Variants in KCNH5 observed in about 807,000 individuals in gnomAD.
KCNH5 encodes voltage-gated delayed rectifier potassium channel KCNH5.
KCNH5 carries 46 observed loss-of-function variants against 96.1 expected under a neutral mutation model. That is an observed-to-expected ratio of 0.48 (90% CI 0.38 to 0.61). The LOEUF (loss-of-function observed/expected upper bound fraction) is 0.61, where lower values mean the gene tolerates loss of function less well. KCNH5 is among the 20% of genes least tolerant of loss of function. The probability of loss-of-function intolerance (pLI) is 0.00; values close to 1 mark genes in which losing one functional copy is unlikely to be tolerated. For synonymous variants in KCNH5, 439 were observed against 449.8 expected, an observed-to-expected ratio of 0.98 and a Z score of 0.30; for missense variants, 907 against 1,225.8, an observed-to-expected ratio of 0.74 and a Z score of 3.88.
At chr14:62,924,945 T>A (rs538558515) in intron 7 of KCNH5, among the ~76,000 whole-genome samples, 2 of 152,082 alleles carry the variant, frequency 1.3e-5, no homozygotes, top group South Asian at 4.1e-4. Flanking sequence ...AGAAAGTAGA[T>A]CTTAAGTATT....
rs1890918365 is a variant in KCNH5 at position 62,997,062 on chromosome 14, A to G, written c.433+4269T>C. Among the ~76,000 whole-genome samples the G allele has an allele frequency of 2.6e-5, 4 of 152,202 alleles. No individual in the cohort carries two copies. In the South Asian group the frequency reaches 8.3e-4, roughly 31 times the overall value. ...TCATTTTTAATTTTTGTGGGTACATAGTAGCTGTATATATTTATAGGTATA... is the reference window on the plus strand; with the variant it reads ...TCATTTTTAATTTTTGTGGGTACATGGTAGCTGTATATATTTATAGGTATA... On this transcript the variant is annotated intron_variant, in intron 4 of 10. Coordinates refer to ENST00000322893, the MANE Select transcript of KCNH5 (RefSeq NM_139318.5).
At chr14:62,977,109 G>T (rs544854172) in intron 6 of KCNH5, among the ~76,000 whole-genome samples, 1 of 152,108 alleles carries the variant, frequency 6.6e-6, no homozygotes, top group African/African-American at 2.4e-5. Flanking sequence ...AGTTGCTCAC[G>T]CCTGTAATCC....
At chr14:62,891,080 A>G (rs1254715560) in intron 7 of KCNH5, among the ~76,000 whole-genome samples, 1 of 152,186 alleles carries the variant, frequency 6.6e-6, no homozygotes, top group Non-Finnish European at 1.5e-5. Context: ...ATTATAAATC[A>G]TTCTACCATA....
chr14:62,716,516 G>T (rs189990861), intron 10 of KCNH5, among the ~76,000 whole-genome samples: 37 of 152,120 alleles, frequency 2.4e-4, no homozygotes, highest in Non-Finnish European at 4.9e-4. Flanking sequence ...CTTTGAGTTC[G>T]AGCATGTATT....
At chr14:62,792,457 A>C (rs1226276837) in intron 9 of KCNH5, among the ~76,000 whole-genome samples, 1 of 151,606 alleles carries the variant, frequency 6.6e-6, no homozygotes, top group African/African-American at 2.4e-5. Context: ...GATTATCCTG[A>C]GTTTGGCACT....
chr14:62,939,607 C>T (rs1344014631), intron 7 of KCNH5, among the ~76,000 whole-genome samples: 3 of 152,184 alleles, frequency 2.0e-5, no homozygotes, highest in African/African-American at 7.2e-5. Flanking sequence ...AAATACCCCA[C>T]ATATTCATTA....
intron 8 of KCNH5, among the ~76,000 whole-genome samples, chr14:62,821,134 A>G (rs1471849118): frequency 2.6e-5 from 4 of 152,052 alleles, no homozygotes; most frequent in Admixed American, 6.6e-5. Context: ...AAACCCTTAA[A>G]AAAGCGGGCA....
rs1890373994 is a variant in KCNH5 at position 62,969,995 on chromosome 14, GC to G, written c.942+10876del. ...AGAGGTTGCAGTGAGCTGAGACTGC[GC>G]CACTGCACTCCAGCTTGGGTGACTG... On this transcript the variant is annotated intron_variant, in intron 6 of 10. Coordinates refer to ENST00000322893, the MANE Select transcript of KCNH5 (RefSeq NM_139318.5). 2.3e-5 allele frequency among the ~76,000 whole-genome samples: 3 copies of G among 130,388 alleles called. No homozygotes were observed. In the South Asian group the frequency reaches 7.2e-4, roughly 31 times the overall value. 85.5% of individuals were successfully genotyped at this position (130,388 alleles called of 152,430 possible). A position where few individuals can be genotyped will look rare whatever the true frequency, so the allele number is the denominator to read the frequency against.
intron 3 of KCNH5, among the ~76,000 whole-genome samples, chr14:63,005,601 A>G (rs1891109874): frequency 6.6e-6 from 1 of 152,218 alleles, no homozygotes. Context: ...TTCAAAAAAG[A>G]AAGCAAGAAC....
At chr14:62,727,916 T>C (rs1422640808) in intron 10 of KCNH5, among the ~76,000 whole-genome samples, 1 of 150,856 alleles carries the variant, frequency 6.6e-6, no homozygotes. Flanking sequence ...ATGACTAGCT[T>C]GACCATGATT....
At chr14:62,891,892 A>T (rs1337317390) in intron 7 of KCNH5, among the ~76,000 whole-genome samples, 4 of 152,138 alleles carry the variant, frequency 2.6e-5, no homozygotes, top group Admixed American at 1.3e-4. Context: ...TTAATCAATA[A>T]ATGTTTTGTG....
chr14:62,836,357 A>T (rs1002455855), intron 8 of KCNH5, among the ~76,000 whole-genome samples: 1 of 152,154 alleles, frequency 6.6e-6, no homozygotes, highest in Non-Finnish European at 1.5e-5. Context: ...GCTCACTAAA[A>T]TTCCAAGTTT....
At chr14:63,035,412 C>G (rs1006408992) in intron 1 of KCNH5, among the ~76,000 whole-genome samples, 1 of 152,188 alleles carries the variant, frequency 6.6e-6, no homozygotes, top group Non-Finnish European at 1.5e-5. Context: ...AGGCTTTCTC[C>G]TGTATGTTTT....
intron 10 of KCNH5, among the ~76,000 whole-genome samples, chr14:62,743,160 G>T (rs921873367): frequency 1.3e-5 from 2 of 152,166 alleles, no homozygotes; most frequent in African/African-American, 2.4e-5. Flanking sequence ...AAAGATACAT[G>T]TATAAAGCGA....
chr14:62,820,221 A>G (rs1457254790), intron 8 of KCNH5, among the ~76,000 whole-genome samples: 1 of 152,228 alleles, frequency 6.6e-6, no homozygotes, highest in East Asian at 1.9e-4. Context: ...AGGCCAAAGC[A>G]AAGTGAAACT....
At chr14:62,987,747 C>G (rs1271504618) in intron 4 of KCNH5, among the ~76,000 whole-genome samples, 1 of 152,126 alleles carries the variant, frequency 6.6e-6, no homozygotes, top group Non-Finnish European at 1.5e-5. Context: ...GGATCGTTTG[C>G]CTTGGACTGT....
chr14:62,786,987 C>T (rs184453229), intron 9 of KCNH5, among the ~76,000 whole-genome samples: 2 of 152,112 alleles, frequency 1.3e-5, no homozygotes, highest in Non-Finnish European at 1.5e-5. Flanking sequence ...ATTAGGCCAA[C>T]CAGCAACCTT....
At chr14:62,915,594 T>C (rs1889257771) in intron 7 of KCNH5, among the ~76,000 whole-genome samples, 1 of 152,208 alleles carries the variant, frequency 6.6e-6, no homozygotes, top group South Asian at 2.1e-4. Context: ...ATCCTGATAC[T>C]GAATACATAG....
chr14:62,731,083 T>C (rs1309124289), intron 10 of KCNH5, among the ~76,000 whole-genome samples: 3 of 152,002 alleles, frequency 2.0e-5, no homozygotes, highest in African/African-American at 7.2e-5. Flanking sequence ...GGAGGATCAC[T>C]TGAGGTCAGG....
Sources: allele counts gnomAD v4.1 joint callset (sites outside exome capture counted in the v4.1 genomes callset), GRCh38; gene constraint gnomAD v4.1.1; transcripts MANE v1.5; gene names NCBI Gene and HGNC (gene_info 2026-07-23, HGNC 2026-07-21).